The following KHDRBS2 variants were observed in gnomAD, a reference collection of about 807,000 sequenced individuals.
KHDRBS2 encodes the protein KH domain-containing, RNA-binding, signal transduction-associated protein 2.
In KHDRBS2, 26 loss-of-function variants were observed where a neutral mutation model predicts 44.3. The ratio of observed to expected loss-of-function variants is 0.59; its 90% CI spans 0.43 to 0.81. The LOEUF is 0.81. Ranked by LOEUF, KHDRBS2 falls within the 40% of genes least tolerant of loss-of-function variation. The pLI is 0.00. For synonymous variants in KHDRBS2, 194 were observed against 151.1 expected (o/e 1.28, Z -2.08); for missense variants, 476 against 433.1 (o/e 1.10, Z -0.88).
intron 6 of KHDRBS2, among the ~76,000 whole-genome samples, chr6:61,865,289 T>C (rs148642733): frequency 0.012 from 1,881 of 152,264 alleles, 24 homozygotes; most frequent in Non-Finnish European, 0.02. Flanking sequence ...TTCATGCTTC[T>C]GAAAAAGATA....
At chr6:61,697,994 TGAAAA>T (rs1768109089) in intron 7 of KHDRBS2, among the ~76,000 whole-genome samples, 1 of 152,148 alleles carries the variant, frequency 6.6e-6, no homozygotes, top group African/African-American at 2.4e-5. Context: ...TCCCATTTCT[TGAAAA>T]GAAGTGACTT....
intron 1 of KHDRBS2, among the ~76,000 whole-genome samples, chr6:62,213,296 A>G (rs1417583450): frequency 6.6e-6 from 1 of 152,086 alleles, no homozygotes; most frequent in African/African-American, 2.4e-5. Context: ...AGAAGATGCC[A>G]AAGTGTTTTT....
intron 6 of KHDRBS2, among the ~76,000 whole-genome samples, chr6:61,740,702 G>C (rs1260349155): frequency 6.6e-6 from 1 of 151,778 alleles, no homozygotes; most frequent in Non-Finnish European, 1.5e-5. Context: ...TCACTGAACT[G>C]TTGATATAGT....
At chr6:61,899,734 C>CA (rs1803587868) in intron 5 of KHDRBS2, among the ~76,000 whole-genome samples, 1 of 58,682 alleles carries the variant, frequency 1.7e-5, no homozygotes. Flanking sequence ...TGTTTTAATG[C>CA]CCCCCCCCCG....
intron 1 of KHDRBS2, among the ~76,000 whole-genome samples, chr6:62,276,327 G>T (rs1237759602): frequency 5.3e-5 from 8 of 152,096 alleles, no homozygotes; most frequent in Non-Finnish European, 8.8e-5. Context: ...CGTAAAATTT[G>T]CTCACTTCTA....
intron 6 of KHDRBS2, among the ~76,000 whole-genome samples, chr6:61,796,753 A>ATG (rs1785418020): frequency 6.6e-6 from 1 of 152,156 alleles, no homozygotes; most frequent in African/African-American, 2.4e-5. Flanking sequence ...GAAAGGGGCT[A>ATG]TATACTTGAT....
At chr6:61,572,721 A>G in the KHDRBS2 span, among the ~76,000 whole-genome samples, 115 of 152,340 alleles carry the variant, frequency 7.5e-4, 1 homozygote, top group Middle Eastern at 0.014. Context: ...AGTAAAAGTC[A>G]TGATCATTTT....
intron 2 of KHDRBS2, among the ~76,000 whole-genome samples, chr6:62,058,578 A>G (rs1168243219): frequency 6.6e-6 from 1 of 151,934 alleles, no homozygotes; most frequent in African/African-American, 2.4e-5. Context: ...ACACAGATCA[A>G]AAATATTCTT....
At chr6:61,620,412 G>A in the KHDRBS2 span, among the ~76,000 whole-genome samples, 5 of 152,158 alleles carry the variant, frequency 3.3e-5, no homozygotes, top group African/African-American at 1.2e-4. Context: ...GAGCCAGAGA[G>A]TATACAGTTA....
At chr6:61,604,943 C>A in the KHDRBS2 span, among the ~76,000 whole-genome samples, 3 of 152,108 alleles carry the variant, frequency 2.0e-5, no homozygotes, top group Admixed American at 2.0e-4. Flanking sequence ...AGTCAAATCA[C>A]CCAAGCAGTT....
At chr6:62,079,515 AAC>A (rs1796990940) in intron 2 of KHDRBS2, among the ~76,000 whole-genome samples, 1 of 152,060 alleles carries the variant, frequency 6.6e-6, no homozygotes, top group Admixed American at 6.6e-5. Context: ...GTTTTAGAAA[AAC>A]ACTATACAAT....
At chr6:61,957,332 G>A (rs574445144) in intron 4 of KHDRBS2, among the ~76,000 whole-genome samples, 3 of 152,282 alleles carry the variant, frequency 2.0e-5, no homozygotes, top group Non-Finnish European at 4.4e-5. Context: ...AATGTTCAGG[G>A]AACAAGGGAG....
the KHDRBS2 span, among the ~76,000 whole-genome samples, chr6:61,643,492 C>A: frequency 6.6e-6 from 1 of 152,092 alleles, no homozygotes; most frequent in African/African-American, 2.4e-5. Context: ...AAACAAAGGG[C>A]ATCCAAATAG....
the KHDRBS2 span, among the ~76,000 whole-genome samples, chr6:61,584,073 A>T: frequency 2.1e-4 from 32 of 151,662 alleles, no homozygotes; most frequent in Non-Finnish European, 4.1e-4. Context: ...TGTCATTGCT[A>T]TATTTAGTTA....
At chr6:62,162,231 T>G (rs1817801557) in intron 2 of KHDRBS2, among the ~76,000 whole-genome samples, 1 of 152,046 alleles carries the variant, frequency 6.6e-6, no homozygotes, top group Admixed American at 6.6e-5. Context: ...AATTTCACCC[T>G]GAAGGACCCC....
rs149572933 is a variant in KHDRBS2 at position 61,814,347 on chromosome 6, C to T, written c.810+80288G>A. Among the ~76,000 whole-genome samples, 725 of 152,260 alleles carry T rather than the reference C, an allele frequency of 4.8e-3. 3 individuals are homozygous for T. The highest frequency in any genetic ancestry group is 7.6e-3 in the Non-Finnish European group (515 of 68,030). ...CTATATGTGGCCGGGAGCGGTGGCT[C>T]GTGCCTGAAATCCCAGTTTGGGAGG... On this transcript the variant is annotated intron_variant, in intron 6 of 8. Coordinates refer to ENST00000281156, the MANE Select transcript of KHDRBS2 (RefSeq NM_152688.4).
chr6:62,114,354 C>T (rs187105271), intron 2 of KHDRBS2, among the ~76,000 whole-genome samples: 3 of 152,070 alleles, frequency 2.0e-5, no homozygotes, highest in African/African-American at 4.8e-5. Context: ...TGAGTTGTGA[C>T]CTGAGTAAAA....
In KHDRBS2 at chr6:62,169,138, CATATATGTGTGTATATAT is replaced by C. The variant is rs1819380632; in HGVS notation, c.219+8029_219+8046del. ...ATGTGTGTATATATACATATACACA[CATATATGTGTGTATATAT>C]ACGTACACATATATGTATATATGTA... On this transcript the variant is annotated intron_variant, in intron 2 of 8. Transcript: ENST00000281156. Among the ~76,000 whole-genome samples the C allele has an allele frequency of 5.2e-5, 4 of 77,254 alleles. No homozygotes were observed. In the East Asian group the frequency reaches 1.4e-3, roughly 26 times the overall value. The allele number at this position is 77,254 out of a possible 152,430, so 50.7% of individuals were successfully genotyped here.
intron 6 of KHDRBS2, among the ~76,000 whole-genome samples, chr6:61,769,186 C>T (rs556227247): frequency 3.5e-4 from 53 of 152,166 alleles, no homozygotes; most frequent in African/African-American, 1.2e-3. Flanking sequence ...GAGGGAGGAG[C>T]CAAGATGGCC....
Sources: gnomAD v4.1 joint callset for allele counts (sites outside exome capture counted in the v4.1 genomes callset) on GRCh38, gnomAD v4.1.1 for gene constraint, MANE v1.5 for transcripts, NCBI Gene and HGNC (gene_info 2026-07-23, HGNC 2026-07-21) for gene names.